The following ARIH1 variants were observed in gnomAD, a reference collection of about 807,000 sequenced individuals.
ARIH1 encodes E3 ubiquitin-protein ligase ARIH1.
ARIH1 carries 8 observed loss-of-function variants against 85.0 expected under a neutral mutation model. That is an observed-to-expected ratio of 0.09 (90% CI 0.06 to 0.17). The LOEUF is 0.17. ARIH1 is among the 10% of genes least tolerant of loss of function. ARIH1 has a pLI of 1.00. For missense variants in ARIH1, 311 were observed against 718.1 expected, an observed-to-expected ratio of 0.43 and a Z score of 6.48; for synonymous variants, 238 against 253.6, an observed-to-expected ratio of 0.94 and a Z score of 0.59.
intron 1 of ARIH1, among the ~76,000 whole-genome samples, chr15:72,494,273 A>G (rs1454478653): frequency 1.3e-5 from 2 of 152,226 alleles, no homozygotes; most frequent in Non-Finnish European, 2.9e-5. Context: ...TAAATAAATT[A>G]TAATGCGACG....
Position 72,597,546 on chromosome 15 carries a change from T to G in ARIH1, c.*14254T>G, listed in dbSNP as rs1244014353. 1 of 152,186 alleles carries G rather than the reference T, an allele frequency of 6.6e-6. No homozygotes were observed. The highest frequency in any genetic ancestry group is 1.5e-5 in the Non-Finnish European group (1 of 68,038). The allele number at this position is 152,186 out of a possible 1,614,324, so 9.4% of individuals were successfully genotyped here. A position where few individuals can be genotyped will look rare whatever the true frequency, so the allele number is the denominator to read the frequency against. On this transcript the variant is annotated 3_prime_UTR_variant, in exon 14 of 14. Coordinates refer to ENST00000379887, the MANE Select transcript of ARIH1 (RefSeq NM_005744.5). ...CCTAGGGGATGGGTTTCTCAGCATT[T>G]CTGACCCCATTTAGGCTCCAAGAGT...
At chr15:72,525,600 A>G (rs141070576) in intron 2 of ARIH1, among the ~76,000 whole-genome samples, 1 of 152,238 alleles carries the variant, frequency 6.6e-6, no homozygotes, top group Non-Finnish European at 1.5e-5. Flanking sequence ...TATGTAAAGT[A>G]TATAATCTAG....
At chr15:72,535,096 C>T (rs922123734) in intron 2 of ARIH1, among the ~76,000 whole-genome samples, 2 of 150,304 alleles carry the variant, frequency 1.3e-5, no homozygotes, top group Admixed American at 6.7e-5. Flanking sequence ...GGACTACAGG[C>T]GCCCGCCACC....
At position 72,596,776 on chromosome 15, in the gene ARIH1, A is replaced by G. The variant is rs2064365058; in HGVS notation, c.*13484A>G. ...TTTATTTTTAGTTATTTATGGATAC[A>G]TAGTTGTACTGAATTATTCATTTCT... On this transcript the variant is annotated 3_prime_UTR_variant, in exon 14 of 14. Transcript: ENST00000379887. 6.6e-6 allele frequency: 1 copy of G among 152,132 alleles called. No homozygotes were observed. Among genetic ancestry groups the G allele is most frequent in the South Asian group, 2.1e-4 (1 of 4,834 alleles). The allele number at this position is 152,132 out of a possible 1,614,324, so 9.4% of individuals were successfully genotyped here.
intron 2 of ARIH1, among the ~76,000 whole-genome samples, chr15:72,533,167 C>T (rs1282705672): frequency 6.6e-6 from 1 of 152,172 alleles, no homozygotes; most frequent in Non-Finnish European, 1.5e-5. Context: ...CTTGCTCTGT[C>T]TCCCAGGCTG....
chr15:72,503,934 C>T (rs985073585), intron 1 of ARIH1, among the ~76,000 whole-genome samples: 1 of 152,226 alleles, frequency 6.6e-6, no homozygotes, highest in Admixed American at 6.5e-5. Context: ...TGTTACAATG[C>T]TGTCTTAGCT....
chr15:72,567,876 GA>G (rs1377822146), intron 9 of ARIH1, among the ~76,000 whole-genome samples: 2 of 152,130 alleles, frequency 1.3e-5, no homozygotes, highest in Admixed American at 6.6e-5. Context: ...ATGTAAAGAT[GA>G]TGCTTTAAAG....
chr15:72,577,066 T>C (rs2064274858), intron 11 of ARIH1, among the ~76,000 whole-genome samples: 1 of 151,812 alleles, frequency 6.6e-6, no homozygotes, highest in Admixed American at 6.6e-5. Context: ...CCCTGCAACC[T>C]CCACCTCCCG....
chr15:72,504,716 CG>C (rs2063917616), intron 1 of ARIH1, among the ~76,000 whole-genome samples: 2 of 152,164 alleles, frequency 1.3e-5, no homozygotes, highest in Non-Finnish European at 2.9e-5. Context: ...AATCGGCAGA[CG>C]GAAGTTCTCA....
chr15:72,563,437 A>G lies in ARIH1; in HGVS notation c.848A>G (p.His283Arg). The change falls in exon 7 of 14, where the codon CAT becomes CGT. Residue 283 changes from histidine (H) to arginine (R), a missense_variant. Around this residue, in one of 3 missense-constraint regions of ARIH1, gnomAD observed 104 missense variants for 221.4 expected, o/e 0.47. Transcript: ENST00000379887. Reference sequence around the variant, plus strand: ...TGGTGTCCTGCCCCAGATTGCCACCATGTTGTTAAAGTCCAATATCCTGAT... The same window carrying G: ...TGGTGTCCTGCCCCAGATTGCCACCGTGTTGTTAAAGTCCAATATCCTGAT... ...LKWCPAPDCHHVVKVQYPDAK... is the reference protein window; with the variant it reads ...LKWCPAPDCHRVVKVQYPDAK... 1 of 1,614,098 alleles carries G rather than the reference A, an allele frequency of 6.2e-7. No individual in the cohort carries two copies. Among genetic ancestry groups the G allele is most frequent in the Non-Finnish European group, 8.5e-7 (1 of 1,179,998 alleles).
intron 8 of ARIH1, among the ~76,000 whole-genome samples, 166 bp from the exon 9 acceptor site, chr15:72,566,940 C>T (rs867893959): frequency 1.3e-5 from 2 of 152,150 alleles, no homozygotes; most frequent in Middle Eastern, 3.2e-3. Flanking sequence ...TTTATATATA[C>T]TGGACATTGT....
rs1383561785 is a variant in ARIH1 at position 72,597,770 on chromosome 15, C to T, written c.*14478C>T. ...TCTGTGGATTTGGGTCATCTAGGTT[C>T]TAATGTCAAACCAGCCTCCAAGGGG... On this transcript the variant is annotated 3_prime_UTR_variant, in exon 14 of 14. Coordinates refer to ENST00000379887, the MANE Select transcript of ARIH1 (RefSeq NM_005744.5). 1 of 152,174 alleles carries T rather than the reference C, an allele frequency of 6.6e-6. No homozygotes were observed. The highest frequency in any genetic ancestry group is 1.5e-5 in the Non-Finnish European group (1 of 68,098). The allele number at this position is 152,174 out of a possible 1,614,324, so 9.4% of individuals were successfully genotyped here.
chr15:72,568,406 A>G (rs2064230115), intron 9 of ARIH1, among the ~76,000 whole-genome samples: 3 of 152,210 alleles, frequency 2.0e-5, no homozygotes, highest in South Asian at 4.1e-4. Context: ...GTTTAATTAA[A>G]TGGTAGCCTT....
chr15:72,547,652 T>C (rs1481088466), intron 3 of ARIH1, among the ~76,000 whole-genome samples: 1 of 152,236 alleles, frequency 6.6e-6, no homozygotes, highest in Non-Finnish European at 1.5e-5. Flanking sequence ...TTTTAAAAAG[T>C]ACTACTGTTA....
At chr15:72,496,915 TACAC>T (rs2063882417) in intron 1 of ARIH1, 4 of 922,496 alleles carry the variant, frequency 4.3e-6, no homozygotes, top group African/African-American at 3.6e-5. Flanking sequence ...CACACATACT[TACAC>T]ACAGACATTG....
rs1468023158 is a variant in ARIH1 at position 72,585,272 on chromosome 15, C to G, written c.*1980C>G. The G allele has an allele frequency of 6.6e-6, 1 of 152,182 alleles. No homozygotes were observed. The highest frequency in any genetic ancestry group is 6.5e-5 in the Admixed American group (1 of 15,268). 9.4% of individuals were successfully genotyped at this position (152,182 alleles called of 1,614,324 possible). ...CCTTTTCTCCTTTCCTCCCTTGCCA[C>G]CTCAGGTGCAAATCTGAACTCAGTG... On this transcript the variant is annotated 3_prime_UTR_variant, in exon 14 of 14. Transcript: ENST00000379887.
At chr15:72,551,050 C>T (rs975191700) in intron 3 of ARIH1, among the ~76,000 whole-genome samples, 5 of 152,046 alleles carry the variant, frequency 3.3e-5, no homozygotes, top group African/African-American at 1.2e-4. Flanking sequence ...AATTTCTGTC[C>T]TAACGAGATA....
At chr15:72,506,351 C>CAAAAAAAAAAAAAAAAAA in intron 1 of ARIH1, among the ~76,000 whole-genome samples, 13 of 73,062 alleles carry the variant, frequency 1.8e-4, no homozygotes, top group Non-Finnish European at 2.9e-4. Context: ...CTCCGTCTCA[C>CAAAAAAAAAAAAAAAAAA]AAAAAAAAAA....
intron 1 of ARIH1, among the ~76,000 whole-genome samples, chr15:72,503,810 A>G (rs2063913132): frequency 6.6e-6 from 1 of 152,154 alleles, no homozygotes; most frequent in Non-Finnish European, 1.5e-5. Flanking sequence ...CACGTGAGCA[A>G]GTGAATGCGG....
Sources: gnomAD v4.1 joint callset for allele counts (sites outside exome capture counted in the v4.1 genomes callset) on GRCh38, gnomAD v4.1.1 for gene constraint, gnomAD v4.1.1 regional missense constraint, MANE v1.5 for transcripts, NCBI Gene and HGNC (gene_info 2026-07-23, HGNC 2026-07-21) for gene names.